GSKIP: variants seen among roughly 807,000 people sequenced by gnomAD.
GSKIP encodes the protein GSK3B interacting protein.
GSKIP carries 5 observed loss-of-function variants against 11.9 expected under a neutral mutation model. That is an observed-to-expected ratio of 0.42 (90% CI 0.22 to 0.89). The LOEUF (loss-of-function observed/expected upper bound fraction) is 0.89, where lower values mean the gene tolerates loss of function less well. GSKIP is among the 40% of genes least tolerant of loss of function. The probability of loss-of-function intolerance (pLI) is 0.29; values close to 1 mark genes in which losing one functional copy is unlikely to be tolerated. For missense variants in GSKIP, 150 were observed against 166.6 expected (o/e 0.90, Z 0.55); for synonymous variants, 70 against 62.9 (o/e 1.11, Z -0.54).
At chr14:96,379,177 G>A (rs747648979) in intron 1 of GSKIP, 1 of 152,174 alleles carries the variant, frequency 6.6e-6, no homozygotes, top group Non-Finnish European at 1.5e-5. Context: ...AATTAGCCGG[G>A]TCTGTAATCC....
chr14:96,371,591 C>T lies in GSKIP; in HGVS notation c.-103+8023C>T, dbSNP rs146802550. Among the ~76,000 whole-genome samples, 711 of 152,000 alleles carry T rather than the reference C, an allele frequency of 4.7e-3. 7 individuals are homozygous for T. Among genetic ancestry groups the T allele is most frequent in the African/African-American group, 0.017 (688 of 41,464 alleles). On this transcript the variant is annotated intron_variant, in intron 1 of 3. Transcript: ENST00000555181. ...TCCCCAGTAGCTGGGATTATAGGCACGTGCCACCACACCTGGCTAATTTTT... is the reference window on the plus strand; with the variant it reads ...TCCCCAGTAGCTGGGATTATAGGCATGTGCCACCACACCTGGCTAATTTTT...
intron 3 of GSKIP, among the ~76,000 whole-genome samples, chr14:96,383,347 G>A (rs984304347): frequency 6.6e-6 from 1 of 151,514 alleles, no homozygotes; most frequent in Non-Finnish European, 1.5e-5. Context: ...GTTGCAGTGA[G>A]CTAGGATTGG....
intron 2 of GSKIP, among the ~76,000 whole-genome samples, chr14:96,381,397 T>A (rs1387558612): frequency 1.3e-5 from 2 of 152,148 alleles, no homozygotes; most frequent in Non-Finnish European, 2.9e-5. Context: ...ATTTGGAAAA[T>A]AAAGTTATGC....
At chr14:96,378,798 A>T (rs1315782403) in intron 1 of GSKIP, 2 of 152,218 alleles carry the variant, frequency 1.3e-5, no homozygotes, top group Non-Finnish European at 2.9e-5. Context: ...CCTAAATCCA[A>T]TAGAATGCTT....
chr14:96,373,978 G>T (rs1246635579), intron 1 of GSKIP, among the ~76,000 whole-genome samples: 2 of 152,208 alleles, frequency 1.3e-5, no homozygotes, highest in Non-Finnish European at 2.9e-5. Flanking sequence ...GACCAGGCAT[G>T]CAGAGCAGCA....
At chr14:96,376,979 A>C (rs2139937701) in intron 1 of GSKIP, among the ~76,000 whole-genome samples, 1 of 152,302 alleles carries the variant, frequency 6.6e-6, no homozygotes, top group Non-Finnish European at 1.5e-5. Context: ...ATTATATCTC[A>C]AGTTCCAAAT....
chr14:96,376,405 T>C (rs540680495), intron 1 of GSKIP, among the ~76,000 whole-genome samples: 31 of 152,340 alleles, frequency 2.0e-4, no homozygotes, highest in African/African-American at 7.5e-4. Flanking sequence ...AACTCTTTAT[T>C]CATGCTCATT....
At chr14:96,368,389 C>T (rs976204815) in intron 1 of GSKIP, among the ~76,000 whole-genome samples, 3 of 152,070 alleles carry the variant, frequency 2.0e-5, no homozygotes, top group Admixed American at 6.6e-5. Context: ...ATGCTGGTCT[C>T]GAACTCCTGG....
chr14:96,385,140 T>A (rs1190443492), intron 3 of GSKIP, among the ~76,000 whole-genome samples: 3 of 152,148 alleles, frequency 2.0e-5, no homozygotes, highest in Non-Finnish European at 1.5e-5. Flanking sequence ...TATGTGGAAT[T>A]AAATGGGGTA....
chr14:96,369,708 CTAGATTT>C lies in GSKIP; in HGVS notation c.-103+6166_-103+6172del, dbSNP rs547929016. 4.4e-3 allele frequency among the ~76,000 whole-genome samples: 672 copies of C among 152,208 alleles called. 6 individuals carry two copies. Among genetic ancestry groups the C allele is most frequent in the African/African-American group, 0.015 (602 of 41,514 alleles). On this transcript the variant is annotated intron_variant, in intron 1 of 3. Coordinates refer to ENST00000555181, the MANE Select transcript of GSKIP (RefSeq NM_016472.5). Reference sequence around the variant, plus strand: ...GTGGCAGAGGCTTGGCAGCTTCCACCTAGATTTTAGATTTTAGATTTTAGATTTTAGA... The same window carrying C: ...GTGGCAGAGGCTTGGCAGCTTCCACCTAGATTTTAGATTTTAGATTTTAGA...
rs542858983 is a variant in GSKIP, at chr14:96,383,168, G to A, written c.258+663G>A. ...CTCTTACCTGTAATCCCAGCACTTA[G>A]GGAGGCCAAGCTGGTAGGATCATTT... On this transcript the variant is annotated intron_variant, in intron 3 of 3. Coordinates refer to ENST00000555181, the MANE Select transcript of GSKIP (RefSeq NM_016472.5). Among the ~76,000 whole-genome samples, 33 of 152,248 alleles carry A rather than the reference G, an allele frequency of 2.2e-4. No individual in the cohort carries two copies. In the East Asian group the frequency reaches 6.4e-3, roughly 29 times the overall value.
At chr14:96,383,292 A>C (rs1196889883) in intron 3 of GSKIP, among the ~76,000 whole-genome samples, 1 of 152,074 alleles carries the variant, frequency 6.6e-6, no homozygotes. Context: ...ACTTGCCTGT[A>C]ATCCAGCTAC....
At chr14:96,373,505 G>T (rs1326852587) in intron 1 of GSKIP, among the ~76,000 whole-genome samples, 3 of 151,810 alleles carry the variant, frequency 2.0e-5, no homozygotes, top group South Asian at 4.1e-4. Context: ...TTACTGATCT[G>T]CAAGATGTTA....
chr14:96,363,958 T>A (rs1888783145), intron 1 of GSKIP: 1 of 152,356 alleles, frequency 6.6e-6, no homozygotes, highest in Non-Finnish European at 1.5e-5. Context: ...TTCGTTGCCG[T>A]TTGCCTGGCG....
intron 1 of GSKIP, among the ~76,000 whole-genome samples, chr14:96,372,734 T>G (rs1680330965): frequency 6.6e-6 from 1 of 152,070 alleles, no homozygotes; most frequent in Admixed American, 6.6e-5. Context: ...AAAATCCAGG[T>G]AAAGCCTGAT....
At chr14:96,378,584 G>A (rs964021456) in intron 1 of GSKIP, among the ~76,000 whole-genome samples, 2 of 152,094 alleles carry the variant, frequency 1.3e-5, no homozygotes, top group Non-Finnish European at 2.9e-5. Flanking sequence ...CACTAATTTG[G>A]TAATTTATTA....
At chr14:96,381,312 A>G (rs533887844) in intron 2 of GSKIP, among the ~76,000 whole-genome samples, 12 of 152,370 alleles carry the variant, frequency 7.9e-5, no homozygotes, top group African/African-American at 2.9e-4. Context: ...TTCAAAATAT[A>G]ACATTTGGGT....
intron 1 of GSKIP, among the ~76,000 whole-genome samples, chr14:96,366,110 G>A (rs1480674652): frequency 4.6e-5 from 7 of 151,042 alleles, no homozygotes; most frequent in African/African-American, 1.7e-4. Flanking sequence ...GATAAGACAT[G>A]TTTGTAAATA....
At position 96,382,441 on chromosome 14, in the gene GSKIP, A is replaced by G; in HGVS notation, c.194A>G (p.Tyr65Cys). 6.2e-7 allele frequency: 1 copy of G among 1,613,092 alleles called. No individual in the cohort carries two copies. Among genetic ancestry groups the G allele is most frequent in the Non-Finnish European group, 8.5e-7 (1 of 1,179,068 alleles). Residue 65 changes from tyrosine (Y) to cysteine (C), a missense_variant, in exon 3 of 4, where the codon TAT becomes TGT. Physicochemically the swap from Tyr to Cys is radical, Grantham distance 194. Coordinates refer to ENST00000555181, the MANE Select transcript of GSKIP (RefSeq NM_016472.5). ...CTGCGGTGTGCGGATGATGTGGCCT[A>G]TATCAATGTGGAAACAAAGGAAAGA... ...KSLRCADDVA[Y>C]INVETKERNR...
Sources: gnomAD v4.1 joint callset for allele counts (sites outside exome capture counted in the v4.1 genomes callset) on GRCh38, gnomAD v4.1.1 for gene constraint, MANE v1.5 for transcripts, NCBI Gene and HGNC (gene_info 2026-07-23, HGNC 2026-07-21) for gene names.